The following FOXP1 variants were observed in gnomAD, a reference collection of about 807,000 sequenced individuals.
The protein encoded by FOXP1 is forkhead box P1.
In FOXP1, 15 loss-of-function variants were observed where a neutral mutation model predicts 98.2. That is an observed-to-expected ratio of 0.15 (90% CI 0.10 to 0.24). FOXP1 has a LOEUF of 0.24. Among genes scored for constraint, FOXP1 ranks in the 10% least tolerant of loss-of-function variants. The pLI is 1.00. For missense variants in FOXP1, 633 were observed against 848.5 expected (o/e 0.75, Z 3.15); for synonymous variants, 371 against 314.5 (o/e 1.18, Z -1.90).
intron 2 of FOXP1, among the ~76,000 whole-genome samples, chr3:71,534,632 C>A (rs2044143371): frequency 6.6e-6 from 1 of 152,166 alleles, no homozygotes; most frequent in African/African-American, 2.4e-5. Flanking sequence ...AAATGCAGAT[C>A]TTTGGCTCAA....
At chr3:71,354,721 C>T (rs1638341548) in intron 4 of FOXP1, among the ~76,000 whole-genome samples, 1 of 152,188 alleles carries the variant, frequency 6.6e-6, no homozygotes, top group Admixed American at 6.5e-5. Flanking sequence ...CAGTGGAGGT[C>T]CCCAAAGCCT....
intron 6 of FOXP1, among the ~76,000 whole-genome samples, chr3:71,194,879 G>A (rs2063208994): frequency 1.3e-5 from 2 of 152,190 alleles, no homozygotes; most frequent in Non-Finnish European, 2.9e-5. Flanking sequence ...GAGGAAGAAA[G>A]ACAGTTTGTG....
At chr3:71,246,001 C>G (rs898685742) in intron 5 of FOXP1, among the ~76,000 whole-genome samples, 49 of 151,296 alleles carry the variant, frequency 3.2e-4, no homozygotes, top group East Asian at 3.9e-4. Flanking sequence ...GAAAACCACC[C>G]CCCCCCCACC....
chr3:71,373,373 G>T (rs1466008067), intron 3 of FOXP1, among the ~76,000 whole-genome samples: 1 of 151,998 alleles, frequency 6.6e-6, no homozygotes, highest in African/African-American at 2.4e-5. Context: ...TGTCATAAAA[G>T]CTGACACTAG....
At chr3:71,396,721 A>ACGGAGCTTGCAGT (rs200630527) in intron 3 of FOXP1, among the ~76,000 whole-genome samples, 4 of 150,946 alleles carry the variant, frequency 2.6e-5, no homozygotes, top group African/African-American at 7.4e-5. Flanking sequence ...TTAAGAAGAC[A>ACGGAGCTTGCAGT]GCAACAGCAG....
intron 5 of FOXP1, among the ~76,000 whole-genome samples, chr3:71,267,423 G>A (rs2069805500): frequency 6.6e-6 from 1 of 152,174 alleles, no homozygotes; most frequent in Admixed American, 6.5e-5. Flanking sequence ...GAGAGGTCAT[G>A]GAAAGACAAG....
At chr3:71,406,909 C>G (rs2082386178) in intron 3 of FOXP1, among the ~76,000 whole-genome samples, 1 of 152,028 alleles carries the variant, frequency 6.6e-6, no homozygotes, top group Non-Finnish European at 1.5e-5. Flanking sequence ...ACTTAGGTAC[C>G]AAGCACAGTG....
chr3:71,160,811 A>G (rs142772178), intron 6 of FOXP1, among the ~76,000 whole-genome samples: 1,874 of 152,352 alleles, frequency 0.012, 18 homozygotes, highest in Non-Finnish European at 0.02. Flanking sequence ...ATACAAATGT[A>G]GAAACGAAGG....
chr3:71,127,173 A>G (rs1301836074), intron 6 of FOXP1, among the ~76,000 whole-genome samples: 2 of 152,220 alleles, frequency 1.3e-5, no homozygotes, highest in Non-Finnish European at 2.9e-5. Context: ...ACTGTGCTTT[A>G]GAAACCCAGG....
chr3:71,544,523 C>A (rs1471368785), intron 2 of FOXP1, among the ~76,000 whole-genome samples: 2 of 152,144 alleles, frequency 1.3e-5, no homozygotes, highest in Non-Finnish European at 2.9e-5. Flanking sequence ...TTTGCAGTGA[C>A]ACCAATGGCA....
intron 4 of FOXP1, among the ~76,000 whole-genome samples, chr3:71,331,776 G>A (rs1298762756): frequency 6.6e-6 from 1 of 150,674 alleles, no homozygotes; most frequent in Admixed American, 6.6e-5. Context: ...TTGTAAATAC[G>A]CCAATCAGTA....
chr3:71,486,501 A>T (rs2090658922), intron 3 of FOXP1, among the ~76,000 whole-genome samples: 1 of 152,202 alleles, frequency 6.6e-6, no homozygotes, highest in South Asian at 2.1e-4. Flanking sequence ...AATCAAAGTC[A>T]ACCGTATCAT....
chr3:71,103,654 T>C (rs1203899842), intron 7 of FOXP1, among the ~76,000 whole-genome samples: 3 of 152,096 alleles, frequency 2.0e-5, no homozygotes, highest in Admixed American at 6.5e-5. Context: ...AGGACCTCAC[T>C]GTGCATGTGT....
chr3:71,564,228 T>C (rs752719846), intron 2 of FOXP1, among the ~76,000 whole-genome samples: 2 of 152,220 alleles, frequency 1.3e-5, no homozygotes, highest in South Asian at 2.1e-4. Context: ...CAAGGTAGGC[T>C]TCCTTCAGTT....
At chr3:71,460,471 C>A (rs1042937155) in intron 3 of FOXP1, among the ~76,000 whole-genome samples, 4 of 151,830 alleles carry the variant, frequency 2.6e-5, no homozygotes, top group Admixed American at 2.6e-4. Context: ...GAGTCTCACT[C>A]TGTCGCCCAG....
At chr3:71,232,306 G>C (rs1007630104) in intron 5 of FOXP1, among the ~76,000 whole-genome samples, 4 of 152,188 alleles carry the variant, frequency 2.6e-5, no homozygotes, top group Non-Finnish European at 5.9e-5. Flanking sequence ...CACTCCTTGA[G>C]AGGAAGATTC....
At position 71,079,260 on chromosome 3, in the gene FOXP1, C is replaced by G. The variant is rs199875013; in HGVS notation, c.283-25487G>C. Among the ~76,000 whole-genome samples the G allele has an allele frequency of 2.2e-4, 34 of 152,338 alleles. No homozygotes were observed. The East Asian group carries it at 5.4e-3, about 24-fold the overall frequency. On this transcript the variant is annotated intron_variant, in intron 7 of 20. Coordinates refer to ENST00000649528, the MANE Select transcript of FOXP1 (RefSeq NM_001349338.3). ...GTCTGAATTCTTTGCCCCTGCCCCC[C>G]ACCTAGGTCTCAACTGGCTCCTACT...
intron 12 of FOXP1, among the ~76,000 whole-genome samples, chr3:71,009,793 G>T (rs1229058367): frequency 1.3e-5 from 2 of 151,988 alleles, no homozygotes; most frequent in African/African-American, 4.8e-5. Context: ...TTGCTACCTA[G>T]GCTACAGTAC....
At chr3:71,068,145 T>TA (rs930333768) in intron 7 of FOXP1, among the ~76,000 whole-genome samples, 3 of 152,148 alleles carry the variant, frequency 2.0e-5, no homozygotes, top group East Asian at 3.9e-4. Context: ...CCACAACAGA[T>TA]ACAGCTCTTG....
Sources: allele counts gnomAD v4.1 joint callset (sites outside exome capture counted in the v4.1 genomes callset), GRCh38; gene constraint gnomAD v4.1.1; transcripts MANE v1.5; gene names NCBI Gene and HGNC (gene_info 2026-07-23, HGNC 2026-07-21).